PECR: variants seen among roughly 807,000 people sequenced by gnomAD.
The protein encoded by PECR is 2,4-dienoyl-CoA reductase-related protein.
A neutral mutation model predicts 35.3 loss-of-function variants in PECR; 30 were observed. The ratio of observed to expected loss-of-function variants is 0.85; its 90% CI spans 0.64 to 1.15. The LOEUF (loss-of-function observed/expected upper bound fraction) is 1.15, where lower values mean the gene tolerates loss of function less well. PECR is among the 50% of genes most tolerant of loss of function. The pLI is 0.00. For synonymous variants in PECR, 148 were observed against 138.9 expected (o/e 1.07, Z -0.46); for missense variants, 392 against 370.8 (o/e 1.06, Z -0.47).
chr2:216,062,882 G>A (rs1321725487), intron 3 of PECR, among the ~76,000 whole-genome samples: 3 of 152,152 alleles, frequency 2.0e-5, no homozygotes, highest in African/African-American at 4.8e-5. Flanking sequence ...ACAGTATTCA[G>A]TACAGCAACA....
intron 4 of PECR, 85 bp from the exon 5 acceptor site, chr2:216,051,630 C>A: frequency 1.2e-6 from 1 of 853,630 alleles, no homozygotes; most frequent in East Asian, 2.4e-5. Flanking sequence ...TGCCAACTAC[C>A]TGACAGAATT....
intron 1 of PECR, among the ~76,000 whole-genome samples, chr2:216,068,833 G>A (rs1401107156): frequency 1.0e-5 from 1 of 100,250 alleles, no homozygotes; most frequent in Non-Finnish European, 1.9e-5. Context: ...TTTTTTTTTA[G>A]TAGAGATGAG....
chr2:216,053,510 C>A (rs1695162380), intron 4 of PECR, among the ~76,000 whole-genome samples: 1 of 152,132 alleles, frequency 6.6e-6, no homozygotes, highest in Non-Finnish European at 1.5e-5. Flanking sequence ...TCCCAAAGTG[C>A]TGGGATTACA....
chr2:216,035,685 C>A (rs1406803881), downstream of PECR, among the ~76,000 whole-genome samples: 1 of 152,012 alleles, frequency 6.6e-6, no homozygotes, highest in Non-Finnish European at 1.5e-5. Flanking sequence ...CGGGGTTTCA[C>A]CATGTTGGCC....
intron 5 of PECR, chr2:216,050,942 A>G (rs1695102397): frequency 6.5e-6 from 1 of 153,274 alleles, no homozygotes; most frequent in Non-Finnish European, 1.4e-5. Flanking sequence ...CACTGGTTTA[A>G]CATTCTTGAC....
chr2:216,031,447 G>C (rs142464940), intron 7 of PECR, among the ~76,000 whole-genome samples: 9 of 94,162 alleles, frequency 9.6e-5, no homozygotes, highest in African/African-American at 3.1e-4. Context: ...GAAAGAAAAA[G>C]AAAGAAAGAG....
At chr2:216,061,133 A>C (rs1410321780) in intron 3 of PECR, among the ~76,000 whole-genome samples, 3 of 127,548 alleles carry the variant, frequency 2.4e-5, no homozygotes, top group African/African-American at 9.4e-5. Flanking sequence ...CTCTACCAAA[A>C]AAAAAAAAAA....
chr2:216,070,721 A>G (rs1316211586), intron 1 of PECR, among the ~76,000 whole-genome samples: 1 of 152,164 alleles, frequency 6.6e-6, no homozygotes, highest in Non-Finnish European at 1.5e-5. Context: ...GGCCTTTTGT[A>G]TTTATTGGGT....
intron 1 of PECR, among the ~76,000 whole-genome samples, chr2:216,070,918 G>A (rs1043068019): frequency 6.6e-6 from 1 of 152,220 alleles, no homozygotes; most frequent in African/African-American, 2.4e-5. Context: ...CTGCATTTAT[G>A]AGAACAGTTT....
chr2:216,048,160 C>T (rs534807557), intron 6 of PECR, among the ~76,000 whole-genome samples: 12 of 151,834 alleles, frequency 7.9e-5, no homozygotes, highest in South Asian at 2.1e-4. Context: ...CTGCAAGCTC[C>T]GCCTCCCGGG....
rs1032123939 is a variant in PECR, at chr2:216,048,821, C to G, written c.714+442G>C. ...TCGTGACACTATACTTAGCCTGTAA[C>G]AGAGTGAAACACTGTCTCAAGCAAA... is the stretch of plus-strand genomic sequence containing the variant. On this transcript the variant is annotated intron_variant, in intron 6 of 7. Transcript: ENST00000265322. Among the ~76,000 whole-genome samples, 8 of 112,442 alleles carry G rather than the reference C, an allele frequency of 7.1e-5. No individual in the cohort carries two copies. In the South Asian group the frequency reaches 2.4e-3, roughly 34 times the overall value. 73.8% of individuals were successfully genotyped at this position (112,442 alleles called of 152,430 possible).
chr2:216,039,069 T>C lies in PECR; in HGVS notation c.*206A>G, dbSNP rs1185613779. ...AAAATATGTTAATTTCTGTTACTTATACATTTTTAAATCATAGGTTAAAAG... is the reference window on the plus strand; with the variant it reads ...AAAATATGTTAATTTCTGTTACTTACACATTTTTAAATCATAGGTTAAAAG... On this transcript the variant is annotated 3_prime_UTR_variant, in exon 8 of 8. Transcript: ENST00000265322. 1.6e-5 allele frequency: 7 copies of C among 441,524 alleles called. No individual in the cohort carries two copies. Among genetic ancestry groups the C allele is most frequent in the Admixed American group, 7.4e-5 (2 of 27,058 alleles). 27.4% of individuals were successfully genotyped at this position (441,524 alleles called of 1,614,324 possible). A position where few individuals can be genotyped will look rare whatever the true frequency, so the allele number is the denominator to read the frequency against.
At chr2:216,052,466 T>C (rs1695133898) in intron 4 of PECR, among the ~76,000 whole-genome samples, 1 of 152,238 alleles carries the variant, frequency 6.6e-6, no homozygotes, top group Admixed American at 6.5e-5. Context: ...AATTCATCTT[T>C]GTTTTTGAAA....
chr2:216,069,427 G>C, intron 1 of PECR, among the ~76,000 whole-genome samples: 1 of 152,278 alleles, frequency 6.6e-6, no homozygotes, highest in East Asian at 1.9e-4. Context: ...TGAAAAGTGA[G>C]ACCAAGAAAT....
At chr2:216,077,806 C>CAAA (rs10596402) in intron 1 of PECR, among the ~76,000 whole-genome samples, 5 of 73,458 alleles carry the variant, frequency 6.8e-5, no homozygotes, top group South Asian at 4.7e-4. Context: ...GACTCCGTCT[C>CAAA]AAAAAAAAAA....
intron 7 of PECR, among the ~76,000 whole-genome samples, chr2:216,029,237 T>C (rs1366592369): frequency 6.6e-6 from 1 of 151,976 alleles, no homozygotes; most frequent in African/African-American, 2.4e-5. Flanking sequence ...CCCAGCACTT[T>C]GGGAGGCTGA....
intron 4 of PECR, among the ~76,000 whole-genome samples, chr2:216,056,758 T>C (rs1381455349): frequency 7.9e-6 from 1 of 126,040 alleles, no homozygotes; most frequent in Non-Finnish European, 1.7e-5. Context: ...GAAAGAAAAA[T>C]CAGAGTGCAC....
chr2:216,081,583 A>T, intron 1 of PECR, 35 bp downstream of exon 1: 1 of 1,613,168 alleles, frequency 6.2e-7, no homozygotes, highest in South Asian at 1.1e-5. Context: ...AGGTCACCAC[A>T]GCCACCTCTC....
chr2:216,046,323 T>TTTTTTTGTTTTG (rs1559209265), intron 6 of PECR, among the ~76,000 whole-genome samples: 9 of 140,222 alleles, frequency 6.4e-5, no homozygotes, highest in African/African-American at 2.4e-4. Flanking sequence ...TTTTTTTTTT[T>TTTTTTTGTTTTG]TTTTTTTGAG....
Sources: gnomAD v4.1 joint callset for allele counts (sites outside exome capture counted in the v4.1 genomes callset) on GRCh38, gnomAD v4.1.1 for gene constraint, MANE v1.5 for transcripts, NCBI Gene and HGNC (gene_info 2026-07-23, HGNC 2026-07-21) for gene names.